Variants in AGBL1 observed in about 807,000 individuals in gnomAD.
AGBL1 encodes the protein cytosolic carboxypeptidase 4.
In AGBL1, 130 loss-of-function variants were observed where a neutral mutation model predicts 118.9. The observed-to-expected ratio is 1.09, with a 90% CI of 0.95 to 1.26. The LOEUF (loss-of-function observed/expected upper bound fraction) is 1.26, where lower values mean the gene tolerates loss of function less well. Among genes scored for constraint, AGBL1 ranks in the 50% most tolerant of loss-of-function variants. The probability of loss-of-function intolerance (pLI) is 0.00; values close to 1 mark genes in which losing one functional copy is unlikely to be tolerated. For missense variants in AGBL1, 1,584 were observed against 1,298.1 expected (o/e 1.22, Z -3.38); for synonymous variants, 555 against 478.9 (o/e 1.16, Z -2.08).
In AGBL1 at chr15:86,809,007, G is replaced by A. The variant is rs562497420; in HGVS notation, c.3159-98080G>A. ...AAGGCATAACCCTATGGTTTCTTTC[G>A]TAAAGTACTATTCTTTAGCAAAACA... On this transcript the variant is annotated intron_variant, in intron 22 of 22. Transcript: ENST00000614907. 1.8e-4 allele frequency among the ~76,000 whole-genome samples: 28 copies of A among 152,150 alleles called. 1 individual carries two copies. The South Asian group carries it at 4.6e-3, about 25-fold the overall frequency.
chr15:86,975,921 C>T (rs1012485511), intron 23 of AGBL1, among the ~76,000 whole-genome samples: 1 of 73,452 alleles, frequency 1.4e-5, no homozygotes, highest in African/African-American at 5.2e-5. Flanking sequence ...GCTGCAAGCC[C>T]CATGACAGCA....
chr15:86,469,032 A>C (rs942489238), intron 18 of AGBL1, among the ~76,000 whole-genome samples: 3 of 152,206 alleles, frequency 2.0e-5, no homozygotes, highest in African/African-American at 7.2e-5. Context: ...TTAAATGCTT[A>C]TCAGTCAAGC....
At chr15:86,575,499 CA>C (rs1324900526) in intron 21 of AGBL1, among the ~76,000 whole-genome samples, 6 of 150,816 alleles carry the variant, frequency 4.0e-5, no homozygotes, top group Admixed American at 6.6e-5. Flanking sequence ...GACCCTGTCT[CA>C]AAAAAATAAG....
At chr15:86,724,716 T>G (rs550486623) in intron 22 of AGBL1, among the ~76,000 whole-genome samples, 2 of 152,268 alleles carry the variant, frequency 1.3e-5, no homozygotes, top group South Asian at 4.2e-4. Flanking sequence ...GTTGGGGTCA[T>G]GGGAGTGGAT....
chr15:86,688,898 G>A lies in AGBL1; in HGVS notation c.3158+14462G>A, dbSNP rs546472830. 2.5e-4 allele frequency among the ~76,000 whole-genome samples: 38 copies of A among 152,104 alleles called. No individual in the cohort carries two copies. In the South Asian group the frequency reaches 7.9e-3, roughly 32 times the overall value. On this transcript the variant is annotated intron_variant, in intron 22 of 22. Transcript: ENST00000614907. Reference sequence around the variant, plus strand: ...ACTCCAGTATCCCCAGACAACAACTGACTTGCTTTCTGTCCCTAAATATTA... The same window carrying A: ...ACTCCAGTATCCCCAGACAACAACTAACTTGCTTTCTGTCCCTAAATATTA...
chr15:87,019,104 C>T (rs551197743), intron 24 of AGBL1, among the ~76,000 whole-genome samples: 1 of 152,238 alleles, frequency 6.6e-6, no homozygotes, highest in Non-Finnish European at 1.5e-5. Context: ...AATACATGAG[C>T]ACCCAAGTTC....
At chr15:86,453,814 T>G (rs2082227573) in intron 18 of AGBL1, among the ~76,000 whole-genome samples, 1 of 152,126 alleles carries the variant, frequency 6.6e-6, no homozygotes, top group Non-Finnish European at 1.5e-5. Flanking sequence ...CCTTACCCAT[T>G]GGAAAAAAAA....
At chr15:86,706,132 A>G (rs1282250956) in intron 22 of AGBL1, among the ~76,000 whole-genome samples, 1 of 152,120 alleles carries the variant, frequency 6.6e-6, no homozygotes, top group Non-Finnish European at 1.5e-5. Context: ...AAATTTGTCT[A>G]TATGGATTAT....
intron 21 of AGBL1, among the ~76,000 whole-genome samples, chr15:86,669,782 C>T (rs2142538164): frequency 6.6e-6 from 1 of 152,254 alleles, no homozygotes; most frequent in African/African-American, 2.4e-5. Context: ...AGAGCCCCGT[C>T]TCCTGGAAAT....
chr15:86,388,206 G>A (rs1172411267), intron 17 of AGBL1, among the ~76,000 whole-genome samples: 2 of 152,258 alleles, frequency 1.3e-5, no homozygotes, highest in South Asian at 2.1e-4. Flanking sequence ...TTGTTCTGAA[G>A]CTGATTATTA....
chr15:86,143,675 A>G (rs1004713581), intron 2 of AGBL1, 24 bp from the exon 3 acceptor site: 7 of 1,611,068 alleles, frequency 4.3e-6, no homozygotes, highest in Admixed American at 3.3e-5. Flanking sequence ...CTTGTGGCTC[A>G]TCTTTCCTCC....
chr15:87,022,836 A>G (rs1386483421), intron 24 of AGBL1, among the ~76,000 whole-genome samples: 1 of 152,128 alleles, frequency 6.6e-6, no homozygotes, highest in East Asian at 1.9e-4. Context: ...CTATCAGCCA[A>G]GAATTCTGTA....
At chr15:86,207,816 C>A (rs1356603469) in intron 5 of AGBL1, among the ~76,000 whole-genome samples, 1 of 152,116 alleles carries the variant, frequency 6.6e-6, no homozygotes, top group Non-Finnish European at 1.5e-5. Context: ...CTTTCTCTTG[C>A]CTGATTGCCC....
chr15:86,817,623 G>T (rs535435344), intron 22 of AGBL1, among the ~76,000 whole-genome samples: 2 of 111,998 alleles, frequency 1.8e-5, no homozygotes, highest in East Asian at 2.7e-4. Flanking sequence ...AAAGAGACAG[G>T]CATACACACA....
At chr15:86,477,298 G>A (rs974293718) in intron 18 of AGBL1, among the ~76,000 whole-genome samples, 6 of 152,050 alleles carry the variant, frequency 3.9e-5, no homozygotes, top group Non-Finnish European at 7.4e-5. Context: ...CCAGGAGCTG[G>A]TTTTTTGAAA....
At chr15:86,781,398 A>C (rs2078334339) in intron 22 of AGBL1, among the ~76,000 whole-genome samples, 1 of 152,204 alleles carries the variant, frequency 6.6e-6, no homozygotes, top group Admixed American at 6.5e-5. Context: ...TTAATATTTC[A>C]ATGTAACACC....
At chr15:86,104,382 G>T (rs987891811) in intron 1 of AGBL1, among the ~76,000 whole-genome samples, 1 of 152,194 alleles carries the variant, frequency 6.6e-6, no homozygotes, top group Non-Finnish European at 1.5e-5. Flanking sequence ...GGCAGCTGGG[G>T]AGTATATGCT....
intron 21 of AGBL1, among the ~76,000 whole-genome samples, chr15:86,650,380 GTATAAGGAATC>G (rs779555135): frequency 4.6e-5 from 7 of 152,116 alleles, no homozygotes; most frequent in Non-Finnish European, 1.0e-4. Flanking sequence ...AATTTATAAG[GTATAAGGAATC>G]TATGTCTCTG....
At chr15:86,283,811 T>C (rs899562013) in intron 16 of AGBL1, among the ~76,000 whole-genome samples, 1 of 152,102 alleles carries the variant, frequency 6.6e-6, no homozygotes, top group Non-Finnish European at 1.5e-5. Flanking sequence ...TGTGCATGAA[T>C]GGTACAGTCT....
Sources: gnomAD v4.1 joint callset for allele counts (sites outside exome capture counted in the v4.1 genomes callset) on GRCh38, gnomAD v4.1.1 for gene constraint, MANE v1.5 for transcripts, NCBI Gene and HGNC (gene_info 2026-07-23, HGNC 2026-07-21) for gene names.